Variants in COMMD10 observed in about 807,000 individuals in gnomAD.
COMMD10 encodes COMM domain containing 10.
In COMMD10, 33 loss-of-function variants were observed where a neutral mutation model predicts 28.9. That is an observed-to-expected ratio of 1.14 (90% CI 0.87 to 1.53). The LOEUF (loss-of-function observed/expected upper bound fraction) is 1.53. COMMD10 is among the 40% of genes most tolerant of loss of function. COMMD10 has a pLI of 0.00. For missense variants in COMMD10, 310 were observed against 233.4 expected, an observed-to-expected ratio of 1.33 and a Z score of -2.14; for synonymous variants, 110 against 81.7, an observed-to-expected ratio of 1.35 and a Z score of -1.87.
chr5:116,206,190 G>T (rs1360087385), intron 5 of COMMD10, among the ~76,000 whole-genome samples: 1 of 152,146 alleles, frequency 6.6e-6, no homozygotes, highest in Non-Finnish European at 1.5e-5. Flanking sequence ...AAGGAAATTT[G>T]TACAAATTTA....
At chr5:116,089,754 G>A (rs1750237220) in intron 2 of COMMD10, among the ~76,000 whole-genome samples, 1 of 152,202 alleles carries the variant, frequency 6.6e-6, no homozygotes, top group Non-Finnish European at 1.5e-5. Flanking sequence ...TTAATGTCCA[G>A]GGACTTTTAA....
rs577281730 is a variant in COMMD10 at position 116,166,554 on chromosome 5, C to A, written c.510+32376C>A. Among the ~76,000 whole-genome samples, 7 of 152,322 alleles carry A rather than the reference C, an allele frequency of 4.6e-5. No individual in the cohort carries two copies. In the East Asian group the frequency reaches 1.4e-3, roughly 29 times the overall value. On this transcript the variant is annotated intron_variant, in intron 5 of 6. Transcript: ENST00000274458. ...CCCCGTGCCTCCTGATGGGGTGACACCTCCCAGCAGGGGTTGACAGGCATC... is the reference window on the plus strand; with the variant it reads ...CCCCGTGCCTCCTGATGGGGTGACAACTCCCAGCAGGGGTTGACAGGCATC...
chr5:116,107,696 C>T (rs754159781), intron 4 of COMMD10, among the ~76,000 whole-genome samples: 2 of 152,126 alleles, frequency 1.3e-5, no homozygotes, highest in Non-Finnish European at 2.9e-5. Flanking sequence ...TCGTCAAACT[C>T]GTTCTCCGTC....
intron 5 of COMMD10, among the ~76,000 whole-genome samples, chr5:116,147,732 T>G (rs1453769025): frequency 1.3e-5 from 2 of 151,944 alleles, no homozygotes; most frequent in East Asian, 3.9e-4. Flanking sequence ...TGATTTTGTC[T>G]TTTAAAAAAT....
intron 5 of COMMD10, among the ~76,000 whole-genome samples, chr5:116,260,869 T>C (rs1750422912): frequency 6.6e-6 from 1 of 151,774 alleles, no homozygotes; most frequent in African/African-American, 2.4e-5. Flanking sequence ...ATAGGGTTTA[T>C]TTGTGGAGTA....
chr5:116,146,343 C>A (rs9326991), intron 5 of COMMD10, among the ~76,000 whole-genome samples: 124,471 of 151,680 alleles, frequency 0.82, 51,227 homozygotes, highest in African/African-American at 0.84. Context: ...AGCCCATTAC[C>A]CCAGTGATAC....
At chr5:116,085,883 T>A (rs1750075672) in intron 1 of COMMD10, among the ~76,000 whole-genome samples, 1 of 152,242 alleles carries the variant, frequency 6.6e-6, no homozygotes. Flanking sequence ...TTTAAAGTTT[T>A]TCCTTCTTTC....
At chr5:116,180,515 C>T (rs2112595308) in intron 5 of COMMD10, among the ~76,000 whole-genome samples, 1 of 151,832 alleles carries the variant, frequency 6.6e-6, no homozygotes, top group South Asian at 2.1e-4. Context: ...ATTTTAAGTG[C>T]CTCATATTTT....
chr5:116,188,572 C>CTTCT (rs368639941), intron 5 of COMMD10: 35 of 150,568 alleles, frequency 2.3e-4, no homozygotes, highest in African/African-American at 4.2e-4. Context: ...CTCTTTCTTT[C>CTTCT]TTCTTTCTTT....
chr5:116,212,538 G>T (rs185947457), intron 5 of COMMD10, among the ~76,000 whole-genome samples: 238 of 147,568 alleles, frequency 1.6e-3, no homozygotes, highest in African/African-American at 5.7e-3. Flanking sequence ...TGTGAGGGGG[G>T]TTGGATAGGT....
At chr5:116,261,464 C>A (rs752843443) in intron 5 of COMMD10, among the ~76,000 whole-genome samples, 3 of 151,536 alleles carry the variant, frequency 2.0e-5, no homozygotes, top group Non-Finnish European at 4.4e-5. Context: ...GATGTGTATT[C>A]TTCTCATAAC....
chr5:116,209,103 C>T lies in COMMD10; in HGVS notation c.510+74925C>T, dbSNP rs113898392. On this transcript the variant is annotated intron_variant, in intron 5 of 6. Coordinates refer to ENST00000274458, the MANE Select transcript of COMMD10 (RefSeq NM_016144.4). ...AGTCTTACCCTAAAGCCTTTTAAAGCGATACGTTTAGATCAACTTTTTTTT... is the reference window on the plus strand; with the variant it reads ...AGTCTTACCCTAAAGCCTTTTAAAGTGATACGTTTAGATCAACTTTTTTTT... 1.6e-3 allele frequency among the ~76,000 whole-genome samples: 241 copies of T among 151,992 alleles called. 1 individual carries two copies. In the Middle Eastern group the frequency reaches 0.017, roughly 11 times the overall value.
intron 5 of COMMD10, among the ~76,000 whole-genome samples, chr5:116,234,272 C>T (rs918165322): frequency 5.3e-5 from 8 of 152,138 alleles, no homozygotes; most frequent in African/African-American, 1.9e-4. Context: ...CAGAGAAAGC[C>T]ATTGGACACC....
intron 4 of COMMD10, among the ~76,000 whole-genome samples, chr5:116,114,826 C>T (rs748357946): frequency 1.3e-5 from 2 of 152,094 alleles, no homozygotes; most frequent in African/African-American, 2.4e-5. Context: ...GTAGTTTAGT[C>T]GGACTGGGTA....
chr5:116,127,940 A>T (rs10057200), intron 4 of COMMD10, among the ~76,000 whole-genome samples: 47,479 of 151,710 alleles, frequency 0.31, 10,271 homozygotes, highest in African/African-American at 0.62. Context: ...ATAATAATAA[A>T]AAAGGTGGGA....
intron 5 of COMMD10, among the ~76,000 whole-genome samples, chr5:116,223,450 C>T (rs1053205690): frequency 6.6e-6 from 1 of 152,098 alleles, no homozygotes; most frequent in Admixed American, 6.6e-5. Context: ...GTACTAGAAA[C>T]TGTCTCAGAC....
intron 5 of COMMD10, among the ~76,000 whole-genome samples, chr5:116,275,082 T>G (rs970517775): frequency 2.0e-5 from 3 of 151,818 alleles, no homozygotes; most frequent in African/African-American, 4.9e-5. Context: ...CCATTCTATC[T>G]CAATGAATGG....
At chr5:116,093,563 T>C (rs1243916837) in intron 4 of COMMD10, among the ~76,000 whole-genome samples, 2 of 152,138 alleles carry the variant, frequency 1.3e-5, no homozygotes, top group African/African-American at 4.8e-5. Context: ...GTTCATGCAA[T>C]GGTATTGCTC....
At chr5:116,215,695 AATATATAT>A (rs58135204) in intron 5 of COMMD10, among the ~76,000 whole-genome samples, 1,722 of 133,728 alleles carry the variant, frequency 0.013, 14 homozygotes, top group African/African-American at 0.017. Flanking sequence ...TAAAAAAAGA[AATATATAT>A]ATATATATAT....
Sources: gnomAD v4.1 joint callset for allele counts (sites outside exome capture counted in the v4.1 genomes callset) on GRCh38, gnomAD v4.1.1 for gene constraint, MANE v1.5 for transcripts, NCBI Gene and HGNC (gene_info 2026-07-23, HGNC 2026-07-21) for gene names.